The following SEC16A variants were observed in gnomAD, a reference collection of about 807,000 sequenced individuals.
SEC16A encodes the protein protein transport protein Sec16A.
In SEC16A, 110 loss-of-function variants were observed where a neutral mutation model predicts 221.9. The ratio of observed to expected loss-of-function variants is 0.50; its 90% CI spans 0.42 to 0.58. The LOEUF is 0.58. SEC16A is among the 20% of genes least tolerant of loss of function. The probability of loss-of-function intolerance (pLI) is 0.00; values close to 1 mark genes in which losing one functional copy is unlikely to be tolerated. For synonymous variants in SEC16A, 1,393 were observed against 1,257.7 expected, an observed-to-expected ratio of 1.11 and a Z score of -2.28; for missense variants, 3,165 against 3,097.8, an observed-to-expected ratio of 1.02 and a Z score of -0.52.
chr9:136,474,003 A>G (rs529079770), intron 3 of SEC16A, 46 bp downstream of exon 3: 68 of 1,547,612 alleles, frequency 4.4e-5, no homozygotes, highest in Non-Finnish European at 5.5e-5. Flanking sequence ...TCAACTGGTC[A>G]AAGCACAGAC....
chr9:136,463,238 A>G (rs1588951221), intron 11 of SEC16A, 106 bp from the exon 12 acceptor site: 3 of 1,474,242 alleles, frequency 2.0e-6, no homozygotes, highest in Middle Eastern at 2.0e-4. Context: ...CAGACCCACA[A>G]CTACCCGAAA....
chr9:136,454,274 A>T lies in SEC16A; in HGVS notation c.5911T>A (p.Phe1971Ile). 1 of 1,584,176 alleles carries T rather than the reference A, an allele frequency of 6.3e-7. No individual in the cohort carries two copies. The highest frequency in any genetic ancestry group is 8.6e-7 in the Non-Finnish European group (1 of 1,165,710). The change falls in exon 21 of 32, where the codon TTC (phenylalanine) becomes ATC (isoleucine). Residue 1971 changes from phenylalanine (F) to isoleucine (I), a missense_variant. By Grantham distance (21) the Phe-to-Ile change is conservative. This residue lies in a region of SEC16A where 1,088 missense variants were observed against 1,089.6 expected (regional missense o/e 1.00). Coordinates refer to ENST00000684901, the MANE Select transcript of SEC16A (RefSeq NM_014866.2). ...PLASPARVPMFPVPLPPGPLE... is the reference protein window; with the variant it reads ...PLASPARVPMIPVPLPPGPLE... ...GGCCCCGGGGGCAGTGGCACTGGGA[A>T]CATCGGCACTCTGGCAGGACTGGCC... is the stretch of plus-strand genomic sequence containing the variant.
Position 136,457,505 on chromosome 9 carries a change from G to A in SEC16A, c.5489C>T (p.Ala1830Val), listed in dbSNP as rs750614512. Residue 1830 changes from alanine (A) to valine (V), a missense_variant, in exon 18 of 32, where the codon GCG becomes GTG. Around this residue, in one of 3 missense-constraint regions of SEC16A, gnomAD observed 1,088 missense variants for 1,089.6 expected, o/e 1.00. Coordinates refer to ENST00000684901, the MANE Select transcript of SEC16A (RefSeq NM_014866.2). Reference sequence around the variant, plus strand: ...GTGCGGCTGCGTCAGGATGCTCTTCGCGATGGCCTCACAGTAGTGGAAGGC... The same window carrying A: ...GTGCGGCTGCGTCAGGATGCTCTTCACGATGGCCTCACAGTAGTGGAAGGC... ...TQAFHYCEAI[A>V]KSILTQPHLY... 3.7e-6 allele frequency: 6 copies of A among 1,609,644 alleles called. No homozygotes were observed. The East Asian group carries it at 6.7e-5, about 18-fold the overall frequency.
At position 136,448,788 on chromosome 9, in the gene SEC16A, G is replaced by A; in HGVS notation, c.6313-627C>T. 4.2e-6 allele frequency: 3 copies of A among 715,002 alleles called. No homozygotes were observed. In the South Asian group the frequency reaches 4.4e-5, roughly 11 times the overall value. The allele number at this position is 715,002 out of a possible 1,614,324, so 44.3% of individuals were successfully genotyped here. On this transcript the variant is annotated intron_variant, in intron 23 of 31. Coordinates refer to ENST00000684901, the MANE Select transcript of SEC16A (RefSeq NM_014866.2). ...AGAGACACCAGGAGGATGGAGGTGG[G>A]GAGCAGATCCACAGAGACACCAGGA... is the stretch of plus-strand genomic sequence containing the variant.
intron 20 of SEC16A, among the ~76,000 whole-genome samples, chr9:136,455,005 C>T (rs1369862928): frequency 3.9e-5 from 6 of 152,090 alleles, no homozygotes; most frequent in Admixed American, 2.6e-4. Flanking sequence ...CTGTGGCCAC[C>T]GTGAGGACCC....
In SEC16A at chr9:136,453,391, T is replaced by C. The variant is rs527923323; in HGVS notation, c.6159+37A>G. The C allele has an allele frequency of 2.9e-5, 44 of 1,528,860 alleles. 1 individual carries two copies. The South Asian group carries it at 4.6e-4, about 16-fold the overall frequency. 94.7% of individuals were successfully genotyped at this position (1,528,860 alleles called of 1,614,324 possible). ...CTGGGTGCCCACTCGATGAACTTTATGGAAAACAAACAGTTTAAGAAAATG... is the reference window on the plus strand; with the variant it reads ...CTGGGTGCCCACTCGATGAACTTTACGGAAAACAAACAGTTTAAGAAAATG... On this transcript the variant is annotated intron_variant, in intron 22 of 31. Coordinates refer to ENST00000684901, the MANE Select transcript of SEC16A (RefSeq NM_014866.2).
intron 10 of SEC16A, 24 bp downstream of exon 10, chr9:136,463,655 G>A: frequency 2.5e-6 from 4 of 1,613,576 alleles, no homozygotes; most frequent in Non-Finnish European, 8.5e-7. Context: ...GGCTCACAAA[G>A]AAATGCCTCA....
intron 17 of SEC16A, among the ~76,000 whole-genome samples, chr9:136,458,394 T>C (rs1300275779): frequency 7.2e-5 from 11 of 151,984 alleles, no homozygotes; most frequent in Non-Finnish European, 1.5e-4. Flanking sequence ...TTTGGGAGGC[T>C]GAGGTGGGCA....
intron 22 of SEC16A, among the ~76,000 whole-genome samples, chr9:136,452,163 G>A (rs530312161): frequency 9.2e-5 from 14 of 152,224 alleles, no homozygotes; most frequent in African/African-American, 2.9e-4. Flanking sequence ...AAAAGAGACG[G>A]CCGGGCTGGG....
intron 30 of SEC16A, among the ~76,000 whole-genome samples, chr9:136,444,296 C>T (rs1020696482): frequency 6.6e-6 from 1 of 152,196 alleles, no homozygotes; most frequent in Admixed American, 6.5e-5. Flanking sequence ...ACGGCTGCAG[C>T]TGGTGCCTGG....
intron 19 of SEC16A, 54 bp downstream of exon 19, chr9:136,455,999 G>A (rs1838603258): frequency 1.4e-6 from 2 of 1,435,546 alleles, no homozygotes; most frequent in African/African-American, 2.8e-5. Context: ...GAAATGACAG[G>A]GACAGAAGCC....
chr9:136,464,526 A>T lies in SEC16A; in HGVS notation c.4340T>A (p.Val1447Glu), dbSNP rs1387528189. 6.2e-7 allele frequency: 1 copy of T among 1,605,246 alleles called. No individual in the cohort carries two copies. Among genetic ancestry groups the T allele is most frequent in the Non-Finnish European group, 8.5e-7 (1 of 1,173,000 alleles). Residue 1447 changes from valine to glutamate, a missense_variant, in exon 9 of 32, where the codon GTG becomes GAG. Val to Glu is a moderately radical substitution (Grantham distance 121, BLOSUM62 -2). Transcript: ENST00000684901. ...GCCAAACCTGGCACAGACATGAGGC[A>T]CTGAAAATTTTTCAGGAGAAGTTGG... is the stretch of plus-strand genomic sequence containing the variant. ...SRPTSPEKFS[V>E]PHVCARFGPG... is the part of the protein sequence containing the mutation.
Position 136,463,747 on chromosome 9 carries a change from G to A in SEC16A, c.4447-7C>T, listed in dbSNP as rs1429835077. On this transcript the variant is annotated splice_region_variant and splice_polypyrimidine_tract_variant and intron_variant, in intron 9 of 31. Transcript: ENST00000684901. ...ACGTGTGCTGCAGCAAGGCCTACGA[G>A]GAGAGGGCCGTGGGTCAGTGGCAGC... 9.9e-6 allele frequency: 16 copies of A among 1,611,338 alleles called. No individual in the cohort carries two copies. Among genetic ancestry groups the A allele is most frequent in the African/African-American group, 1.3e-5 (1 of 74,890 alleles).
At chr9:136,468,640 T>G in intron 4 of SEC16A, 128 bp from the exon 5 acceptor site, 1 of 612,956 alleles carries the variant, frequency 1.6e-6, no homozygotes, top group Non-Finnish European at 2.9e-6. Context: ...AAAATTCCAA[T>G]TAGAAGATTC....
Position 136,461,165 on chromosome 9 carries a change from G to A in SEC16A, c.4991+12C>T, listed in dbSNP as rs752285418. 1 of 1,591,046 alleles carries A rather than the reference G, an allele frequency of 6.3e-7. No individual in the cohort carries two copies. Among genetic ancestry groups the A allele is most frequent in the Non-Finnish European group, 8.6e-7 (1 of 1,167,278 alleles). On this transcript the variant is annotated intron_variant, in intron 13 of 31. Coordinates refer to ENST00000684901, the MANE Select transcript of SEC16A (RefSeq NM_014866.2). The stretch of plus-strand genomic sequence containing the variant: ...GGGCTCGCCACTGGACCAGGCCACT[G>A]TGGGACTGTACCTGGTCATGACTCG...
Position 136,447,478 on chromosome 9 carries a change from C to T in SEC16A, c.6559+91G>A. 1 of 1,541,818 alleles carries T rather than the reference C, an allele frequency of 6.5e-7. No homozygotes were observed. The stretch of plus-strand genomic sequence containing the variant: ...GCACGCAGGGACGTGCGGGAAGCCA[C>T]CTCCTCCCCACGCACAACAGCTACA... On this transcript the variant is annotated intron_variant, in intron 26 of 31. Coordinates refer to ENST00000684901, the MANE Select transcript of SEC16A (RefSeq NM_014866.2). This position sits in a 1 kb window ranked among gnomAD's most constrained non-coding sequence, Gnocchi z 5.5.
chr9:136,464,525 C>T lies in SEC16A; in HGVS notation c.4341G>A (p.Val1447=). ...GGCCAAACCTGGCACAGACATGAGG[C>T]ACTGAAAATTTTTCAGGAGAAGTTG... ...SRPTSPEKFS[V]PHVCARFGPG... The change falls in exon 9 of 32, where the codon GTG becomes GTA. Residue 1447 remains valine, a synonymous_variant. Coordinates refer to ENST00000684901, the MANE Select transcript of SEC16A (RefSeq NM_014866.2). The T allele has an allele frequency of 6.2e-7, 1 of 1,605,300 alleles. No homozygotes were observed. The highest frequency in any genetic ancestry group is 8.5e-7 in the Non-Finnish European group (1 of 1,172,976).
chr9:136,460,868 G>A (rs1444620723), intron 13 of SEC16A, among the ~76,000 whole-genome samples: 3 of 152,120 alleles, frequency 2.0e-5, no homozygotes, highest in Non-Finnish European at 2.9e-5. Flanking sequence ...AGCTGAGATC[G>A]CGCCCCTGCA....
chr9:136,446,899 C>G lies in SEC16A; in HGVS notation c.6748G>C (p.Ala2250Pro), dbSNP rs777383094. ...TCTGGATTGGCCAGGCCCCTAGCTG[C>G]TGCAGGCCCTTCCCTGCCAGTCCCG... ...PDGTGREGPA[A>P]ARGLANPEPA... The change falls in exon 28 of 32, where the codon GCA becomes CCA. Residue 2250 changes from alanine to proline, a missense_variant. Physicochemically the swap from Ala to Pro is conservative, Grantham distance 27. Coordinates refer to ENST00000684901, the MANE Select transcript of SEC16A (RefSeq NM_014866.2). 1 of 1,613,468 alleles carries G rather than the reference C, an allele frequency of 6.2e-7. No individual in the cohort carries two copies. The highest frequency in any genetic ancestry group is 2.2e-5 in the East Asian group (1 of 44,878).
Sources: gnomAD v4.1 joint callset for allele counts (sites outside exome capture counted in the v4.1 genomes callset) on GRCh38, gnomAD v4.1.1 for gene constraint, gnomAD v4.1.1 regional missense constraint, Gnocchi (gnomAD v3.1) non-coding constraint, MANE v1.5 for transcripts, NCBI Gene and HGNC (gene_info 2026-07-23, HGNC 2026-07-21) for gene names.